TUSC3: variants seen among roughly 807,000 people sequenced by gnomAD.
The protein encoded by TUSC3 is dolichyl-diphosphooligosaccharide--protein glycosyltransferase subunit TUSC3.
TUSC3 carries 45 observed loss-of-function variants against 44.8 expected under a neutral mutation model. The observed-to-expected ratio is 1.00, with a 90% CI of 0.79 to 1.29. The LOEUF (loss-of-function observed/expected upper bound fraction) is 1.29, where lower values mean the gene tolerates loss of function less well. TUSC3 is among the 50% of genes most tolerant of loss of function. TUSC3 has a pLI of 0.00. For synonymous variants in TUSC3, 212 were observed against 152.9 expected (o/e 1.39, Z -2.85); for missense variants, 519 against 437.9 (o/e 1.19, Z -1.65).
intron 2 of TUSC3, among the ~76,000 whole-genome samples, chr8:15,527,325 T>A (rs532421687): frequency 6.6e-6 from 1 of 152,128 alleles, no homozygotes; most frequent in South Asian, 2.1e-4. Flanking sequence ...TAAGTGATTC[T>A]TCTTCCTCCA....
rs1812329253 is a variant in TUSC3, at chr8:15,766,470, A to G, written c.*2314A>G. 1 of 152,154 alleles carries G rather than the reference A, an allele frequency of 6.6e-6. No individual in the cohort carries two copies. The highest frequency in any genetic ancestry group is 1.5e-5 in the Non-Finnish European group (1 of 68,010). The allele number at this position is 152,154 out of a possible 1,614,324, so 9.4% of individuals were successfully genotyped here. On this transcript the variant is annotated 3_prime_UTR_variant, in exon 11 of 11. Coordinates refer to ENST00000503731, the MANE Select transcript of TUSC3 (RefSeq NM_006765.4). ...GATTCACTGTGCGTTCCAAACTGTC[A>G]TAAAAATTGATTATATGTTTAACAA...
chr8:15,783,781 A>G, the TUSC3 span, among the ~76,000 whole-genome samples: 1 of 152,184 alleles, frequency 6.6e-6, no homozygotes, highest in Non-Finnish European at 1.5e-5. Context: ...AAAAAGCTTC[A>G]TGGCATTGGT....
chr8:15,783,532 A>T, the TUSC3 span, among the ~76,000 whole-genome samples: 1 of 152,150 alleles, frequency 6.6e-6, no homozygotes. Context: ...AGACACATTG[A>T]CCAATGGAAT....
intron 2 of TUSC3, among the ~76,000 whole-genome samples, chr8:15,532,621 T>G (rs1210201448): frequency 6.6e-6 from 1 of 152,212 alleles, no homozygotes; most frequent in East Asian, 1.9e-4. Context: ...TTTGATTAGC[T>G]TTTCACAATT....
chr8:15,629,818 T>C (rs1367968179), intron 2 of TUSC3, among the ~76,000 whole-genome samples: 2 of 152,022 alleles, frequency 1.3e-5, no homozygotes, highest in African/African-American at 4.8e-5. Context: ...TAAAGGCTGG[T>C]GAATGAGCTT....
At chr8:15,548,567 A>C (rs997257270) in intron 1 of TUSC3, among the ~76,000 whole-genome samples, 1 of 151,818 alleles carries the variant, frequency 6.6e-6, no homozygotes, top group Non-Finnish European at 1.5e-5. Context: ...AGCATAGAAA[A>C]ATGGGAAGAA....
chr8:15,747,090 T>C (rs1811448699), intron 8 of TUSC3, among the ~76,000 whole-genome samples: 1 of 152,042 alleles, frequency 6.6e-6, no homozygotes, highest in South Asian at 2.1e-4. Flanking sequence ...ACTTAGAAGA[T>C]ATTCCTGTAG....
At chr8:15,805,472 A>G in the TUSC3 span, among the ~76,000 whole-genome samples, 22 of 152,288 alleles carry the variant, frequency 1.4e-4, 1 homozygote, top group South Asian at 4.2e-3. Context: ...TGGGTTTGTC[A>G]TAGATGGATC....
chr8:15,419,186 G>A (rs963275904), intron 1 of TUSC3, among the ~76,000 whole-genome samples: 2 of 151,994 alleles, frequency 1.3e-5, no homozygotes, highest in African/African-American at 4.8e-5. Context: ...CTGTGAGAAG[G>A]GAGAAAAAAG....
intron 4 of TUSC3, among the ~76,000 whole-genome samples, chr8:15,660,892 A>G (rs574797033): frequency 7.6e-6 from 1 of 131,282 alleles, no homozygotes; most frequent in African/African-American, 2.9e-5. Context: ...CATTTAGTCG[A>G]TAAACTTTTG....
At chr8:15,475,042 A>G (rs10095315) in intron 1 of TUSC3, among the ~76,000 whole-genome samples, 28,446 of 152,066 alleles carry the variant, frequency 0.19, 2,869 homozygotes, top group Admixed American at 0.25. Context: ...GCCAATTGCT[A>G]TAATTCAACT....
intron 1 of TUSC3, among the ~76,000 whole-genome samples, chr8:15,600,150 T>C (rs1014592447): frequency 6.6e-6 from 1 of 151,772 alleles, no homozygotes; most frequent in Non-Finnish European, 1.5e-5. Flanking sequence ...AAAACAATTA[T>C]TTTATAAGCA....
chr8:15,459,016 A>G (rs17121467), intron 1 of TUSC3, among the ~76,000 whole-genome samples: 2,348 of 152,300 alleles, frequency 0.015, 67 homozygotes, highest in African/African-American at 0.053. Flanking sequence ...ACCTGTTGAG[A>G]TAGTTAACCC....
chr8:15,468,740 A>G (rs1438022621), intron 1 of TUSC3, among the ~76,000 whole-genome samples: 1 of 152,188 alleles, frequency 6.6e-6, no homozygotes, highest in East Asian at 1.9e-4. Context: ...ACAGATATGA[A>G]AACATTCTTT....
chr8:15,797,974 C>T, the TUSC3 span, among the ~76,000 whole-genome samples: 3 of 152,094 alleles, frequency 2.0e-5, no homozygotes, highest in African/African-American at 7.2e-5. Context: ...ATTCTTTCTA[C>T]CTTTAAGTCC....
intron 6 of TUSC3, among the ~76,000 whole-genome samples, chr8:15,675,033 T>C (rs1249692562): frequency 6.6e-6 from 1 of 152,086 alleles, no homozygotes; most frequent in African/African-American, 2.4e-5. Flanking sequence ...GTTTTATTTT[T>C]TCTCCACAGT....
At chr8:15,542,105 T>G (rs1219888622) in intron 1 of TUSC3, among the ~76,000 whole-genome samples, 1 of 151,922 alleles carries the variant, frequency 6.6e-6, no homozygotes, top group Non-Finnish European at 1.5e-5. Context: ...TTTTATACAT[T>G]TTAGAGAGAC....
the TUSC3 span, chr8:15,806,480 T>C: frequency 1.1e-6 from 1 of 926,592 alleles, no homozygotes; most frequent in East Asian, 2.4e-5. Context: ...CAAACAGGTG[T>C]CGACTATTTC....
intron 6 of TUSC3, among the ~76,000 whole-genome samples, chr8:15,723,612 G>A (rs1810389001): frequency 6.6e-6 from 1 of 152,074 alleles, no homozygotes; most frequent in East Asian, 1.9e-4. Flanking sequence ...GTAGAGCCTA[G>A]TAAGAACTAA....
Sources: allele counts gnomAD v4.1 joint callset (sites outside exome capture counted in the v4.1 genomes callset), GRCh38; gene constraint gnomAD v4.1.1; transcripts MANE v1.5; gene names NCBI Gene and HGNC (gene_info 2026-07-23, HGNC 2026-07-21).